The following NUP210 variants were observed in gnomAD, a reference collection of about 807,000 sequenced individuals.
NUP210 encodes the protein nuclear pore membrane glycoprotein 210.
Under a neutral mutation model 196.0 loss-of-function variants are expected in NUP210, and 151 were observed. That is an observed-to-expected ratio of 0.77 (90% CI 0.67 to 0.88). The LOEUF (loss-of-function observed/expected upper bound fraction) is 0.88, where lower values mean the gene tolerates loss of function less well. NUP210 is among the 40% of genes least tolerant of loss of function. NUP210 has a pLI of 0.00. For missense variants in NUP210, 2,314 were observed against 2,493.7 expected, an observed-to-expected ratio of 0.93 and a Z score of 1.53; for synonymous variants, 1,070 against 1,052.7, an observed-to-expected ratio of 1.02 and a Z score of -0.32.
chr3:13,336,730 G>T, intron 27 of NUP210, 57 bp downstream of exon 27: 2 of 1,571,614 alleles, frequency 1.3e-6, no homozygotes, highest in South Asian at 1.1e-5. Flanking sequence ...CCTGCCACTC[G>T]GGGTGCTGGC....
chr3:13,393,307 A>G (rs1699550310), intron 3 of NUP210, among the ~76,000 whole-genome samples: 1 of 152,092 alleles, frequency 6.6e-6, no homozygotes, highest in African/African-American at 2.4e-5. Context: ...GGTGGGAGAG[A>G]ATCATGCCTG....
At chr3:13,406,666 C>T (rs1023818098) in intron 1 of NUP210, among the ~76,000 whole-genome samples, 3 of 152,166 alleles carry the variant, frequency 2.0e-5, no homozygotes, top group Admixed American at 6.5e-5. Context: ...AAACAGAGTC[C>T]GGCGACTTTT....
chr3:13,324,469 C>T (rs2124832903), intron 33 of NUP210, among the ~76,000 whole-genome samples: 1 of 152,270 alleles, frequency 6.6e-6, no homozygotes, highest in South Asian at 2.1e-4. Flanking sequence ...GCCCAGGCTC[C>T]TCACCTCCCT....
At chr3:13,374,365 T>G (rs1026964574) in intron 11 of NUP210, among the ~76,000 whole-genome samples, 1 of 152,104 alleles carries the variant, frequency 6.6e-6, no homozygotes, top group Admixed American at 6.5e-5. Context: ...CACACATATA[T>G]ACTCGCACCA....
At chr3:13,396,611 T>G (rs1699662921) in intron 3 of NUP210, among the ~76,000 whole-genome samples, 1 of 146,130 alleles carries the variant, frequency 6.8e-6, no homozygotes, top group African/African-American at 2.6e-5. Flanking sequence ...AAAAAAAAAA[T>G]TAGCTGGGCT....
chr3:13,419,013 AAGCT>A (rs1304626200), intron 1 of NUP210, among the ~76,000 whole-genome samples: 4 of 151,936 alleles, frequency 2.6e-5, no homozygotes, highest in African/African-American at 9.7e-5. Context: ...GCAACAGAGA[AAGCT>A]GGCTGGTCTG....
In NUP210 at chr3:13,420,196, G is replaced by A; in HGVS notation, c.31C>T (p.Leu11=). The change falls in exon 1 of 40, where the codon CTG becomes TTG. Residue 11 remains leucine (L), a synonymous_variant. Transcript: ENST00000254508. This position sits in a 1 kb window ranked among gnomAD's most constrained non-coding sequence, Gnocchi z 4.8. MAARGRGLLL[L]TLSVLLAAGP... is the part of the protein sequence containing the mutation. The stretch of plus-strand genomic sequence containing the variant: ...GCCGCCAACAGCACCGACAGCGTCA[G>A]CAGCAGCAGCCCCCGGCCCCGCGCC... The A allele has an allele frequency of 1.7e-6, 2 of 1,207,932 alleles. No individual in the cohort carries two copies. The highest frequency in any genetic ancestry group is 2.8e-5 in the South Asian group (1 of 35,576). The allele number at this position is 1,207,932 out of a possible 1,614,324, so 74.8% of individuals were successfully genotyped here. A position where few individuals can be genotyped will look rare whatever the true frequency, so the allele number is the denominator to read the frequency against.
intron 27 of NUP210, among the ~76,000 whole-genome samples, 192 bp downstream of exon 27, chr3:13,336,595 C>T (rs1450176240): frequency 6.6e-6 from 1 of 152,134 alleles, no homozygotes; most frequent in East Asian, 1.9e-4. Flanking sequence ...CTACTCACCC[C>T]GTCTATGTGT....
chr3:13,401,263 A>AAAAAAAAAAAAAAAAAC (rs1699829966), intron 1 of NUP210, among the ~76,000 whole-genome samples: 1 of 146,720 alleles, frequency 6.8e-6, no homozygotes, highest in Non-Finnish European at 1.5e-5. Flanking sequence ...CTGGCTCAAA[A>AAAAAAAAAAAAAAAAAC]AAAAAAAAAA....
At chr3:13,364,084 T>C (rs1698454437) in intron 14 of NUP210, among the ~76,000 whole-genome samples, 1 of 152,194 alleles carries the variant, frequency 6.6e-6, no homozygotes, top group African/African-American at 2.4e-5. Flanking sequence ...GGTCTTGATC[T>C]CCTCATTTTA....
In NUP210 at chr3:13,379,251, A is replaced by T. The variant is rs1437773483; in HGVS notation, c.977-271T>A. Among the ~76,000 whole-genome samples the T allele has an allele frequency of 2.0e-5, 3 of 152,178 alleles. No individual in the cohort carries two copies. The East Asian group carries it at 5.8e-4, about 29-fold the overall frequency. ...AACAAGTCTGGGGCATCAACACTCC[A>T]TTATGCTAGTATGGAAACAGCCCCC... On this transcript the variant is annotated intron_variant, in intron 7 of 39. Coordinates refer to ENST00000254508, the MANE Select transcript of NUP210 (RefSeq NM_024923.4). This position sits in a 1 kb window ranked among gnomAD's most constrained non-coding sequence, Gnocchi z 4.2.
intron 4 of NUP210, among the ~76,000 whole-genome samples, chr3:13,389,037 C>T (rs1005264861): frequency 5.3e-5 from 8 of 152,218 alleles, no homozygotes; most frequent in South Asian, 2.1e-4. Flanking sequence ...GCTGGGCAGG[C>T]GGACTTCAGG....
In NUP210 at chr3:13,384,981, A is replaced by C. The variant is rs552582784; in HGVS notation, c.817+1294T>G. 6.6e-5 allele frequency among the ~76,000 whole-genome samples: 10 copies of C among 152,264 alleles called. No homozygotes were observed. In the South Asian group the frequency reaches 1.4e-3, roughly 22 times the overall value. On this transcript the variant is annotated intron_variant, in intron 6 of 39. Transcript: ENST00000254508. ...CCTACTGCAGGCCATCCTCCTGTTGACTTGACATCCTGCTGAAGGGCAGAT... is the reference window on the plus strand; with the variant it reads ...CCTACTGCAGGCCATCCTCCTGTTGCCTTGACATCCTGCTGAAGGGCAGAT...
intron 4 of NUP210, 83 bp downstream of exon 4, chr3:13,391,128 G>GC (rs962863177): frequency 2.9e-5 from 27 of 922,626 alleles, no homozygotes; most frequent in Non-Finnish European, 3.1e-5. Flanking sequence ...CCAGATGAAA[G>GC]CCCCCCGCTG....
chr3:13,383,333 T>C (rs753339863), intron 6 of NUP210, among the ~76,000 whole-genome samples: 49 of 152,116 alleles, frequency 3.2e-4, no homozygotes, highest in South Asian at 1.7e-3. Context: ...TCACATCTCA[T>C]GACATGATGA....
At chr3:13,401,258 T>TTAAAAAAAAAAAAAAAAAAAAAAA (rs1162470689) in intron 1 of NUP210, among the ~76,000 whole-genome samples, 1 of 16,504 alleles carries the variant, frequency 6.1e-5, no homozygotes. Flanking sequence ...AGACTCTGGC[T>TTAAAAAAAAAAAAAAAAAAAAAAA]CAAAAAAAAA....
rs1699479331 is a variant in NUP210 at position 13,391,199 on chromosome 3, G to C, written c.533+12C>G. On this transcript the variant is annotated intron_variant, in intron 4 of 39. Transcript: ENST00000254508. The stretch of plus-strand genomic sequence containing the variant: ...CTTCAAAGGGGCCAGGCCTAGCAGA[G>C]GCACCCCTTACCGCAGCGCATTGTG... 6.2e-7 allele frequency: 1 copy of C among 1,600,052 alleles called. No homozygotes were observed. The highest frequency in any genetic ancestry group is 8.6e-7 in the Non-Finnish European group (1 of 1,169,394).
rs376376578 is a variant in NUP210 at position 13,420,165 on chromosome 3, G to C, written c.62C>G (p.Pro21Arg). The C allele has an allele frequency of 1.2e-4, 152 of 1,282,258 alleles. No individual in the cohort carries two copies. The highest frequency in any genetic ancestry group is 1.5e-4 in the Non-Finnish European group (147 of 997,216). The allele number at this position is 1,282,258 out of a possible 1,614,324, so 79.4% of individuals were successfully genotyped here. A position where few individuals can be genotyped will look rare whatever the true frequency, so the allele number is the denominator to read the frequency against. Residue 21 changes from proline (P) to arginine (R), a missense_variant, in exon 1 of 40, where the codon CCC becomes CGC. Physicochemically the swap from Pro to Arg is moderately radical, Grantham distance 103. Coordinates refer to ENST00000254508, the MANE Select transcript of NUP210 (RefSeq NM_024923.4). The surrounding 1 kb of genome is among the most constrained non-coding windows in gnomAD (Gnocchi z 4.8). ...LTLSVLLAAG[P>R]SAAAAKLNIP... is the part of the protein sequence containing the mutation. ...GTTGAGCTTGGCCGCAGCGGCGGAGGGGCCCGCCGCCAACAGCACCGACAG... is the reference window on the plus strand; with the variant it reads ...GTTGAGCTTGGCCGCAGCGGCGGAGCGGCCCGCCGCCAACAGCACCGACAG...
chr3:13,355,109 C>A (rs1014023561), intron 16 of NUP210, among the ~76,000 whole-genome samples: 2 of 152,216 alleles, frequency 1.3e-5, no homozygotes, highest in Non-Finnish European at 2.9e-5. Flanking sequence ...CTATGACACA[C>A]AAAGCACAAC....
Sources: gnomAD v4.1 joint callset for allele counts (sites outside exome capture counted in the v4.1 genomes callset) on GRCh38, gnomAD v4.1.1 for gene constraint, Gnocchi (gnomAD v3.1) non-coding constraint, MANE v1.5 for transcripts, NCBI Gene and HGNC (gene_info 2026-07-23, HGNC 2026-07-21) for gene names.